The following ST6GALNAC1 variants were observed in gnomAD, a reference collection of about 807,000 sequenced individuals.
ST6GALNAC1 encodes ST6 N-acetylgalactosaminide alpha-2,6-sialyltransferase 1, also known as alpha-N-acetylgalactosaminide alpha-2,6-sialyltransferase 1.
ST6GALNAC1 carries 45 observed loss-of-function variants against 56.8 expected under a neutral mutation model. The observed-to-expected ratio is 0.79, with a 90% CI of 0.62 to 1.02. ST6GALNAC1 has a LOEUF of 1.02. Among genes scored for constraint, ST6GALNAC1 ranks in the 50% least tolerant of loss-of-function variants. The probability of loss-of-function intolerance (pLI) is 0.00; values close to 1 mark genes in which losing one functional copy is unlikely to be tolerated. For missense variants in ST6GALNAC1, 743 were observed against 754.8 expected, an observed-to-expected ratio of 0.98 and a Z score of 0.18; for synonymous variants, 295 against 297.8, an observed-to-expected ratio of 0.99 and a Z score of 0.10.
Position 76,627,056 on chromosome 17 carries a change from G to C in ST6GALNAC1, c.1172+11C>G. ...GGGGCTGGAGAGGGAGCTTGGGTGG[G>C]GACAGCTTACCGGAACACGTAGTCG... On this transcript the variant is annotated intron_variant, in intron 4 of 8. Coordinates refer to ENST00000156626, the MANE Select transcript of ST6GALNAC1 (RefSeq NM_018414.5). The surrounding 1 kb of genome is among the most constrained non-coding windows in gnomAD (Gnocchi z 4.4). 1.3e-6 allele frequency: 2 copies of C among 1,539,208 alleles called. No homozygotes were observed. Among genetic ancestry groups the C allele is most frequent in the Non-Finnish European group, 1.7e-6 (2 of 1,143,714 alleles).
chr17:76,638,030 A>G (rs921233058), intron 1 of ST6GALNAC1, among the ~76,000 whole-genome samples: 4 of 151,398 alleles, frequency 2.6e-5, no homozygotes, highest in Admixed American at 1.3e-4. Flanking sequence ...GAATTTTGCC[A>G]TGCTGGCCAG....
chr17:76,626,407 C>G lies in ST6GALNAC1; in HGVS notation c.1312-15G>C, dbSNP rs374835594. On this transcript the variant is annotated splice_polypyrimidine_tract_variant and intron_variant, in intron 5 of 8. Coordinates refer to ENST00000156626, the MANE Select transcript of ST6GALNAC1 (RefSeq NM_018414.5). The stretch of plus-strand genomic sequence containing the variant: ...TAGCGGACGTCCTGAGGACCAAGGA[C>G]AGGGAGTGGTCCAAAAGTACTGCCT... 4.6e-5 allele frequency: 74 copies of G among 1,612,940 alleles called. No homozygotes were observed. Among genetic ancestry groups the G allele is most frequent in the Non-Finnish European group, 5.3e-5 (62 of 1,179,378 alleles).
rs1394033471 is a variant in ST6GALNAC1, at chr17:76,626,656, C to T, written c.1306G>A (p.Gly436Arg). Residue 436 changes from glycine (G) to arginine (R), a missense_variant, in exon 5 of 9, where the codon GGG becomes AGG. Transcript: ENST00000156626. The stretch of plus-strand genomic sequence containing the variant: ...GCTCCTTCCTCTTTGCTCACCTTCC[C>T]AAGAGGCACGTTCTTGAAACCCCGA... ...GNRGFKNVPL[G>R]KDVRYLHFLE... The T allele has an allele frequency of 6.2e-7, 1 of 1,614,040 alleles. No homozygotes were observed. The highest frequency in any genetic ancestry group is 1.3e-5 in the African/African-American group (1 of 74,936).
the ST6GALNAC1 span, among the ~76,000 whole-genome samples, chr17:76,618,811 G>T: frequency 3.2e-4 from 48 of 151,984 alleles, no homozygotes; most frequent in Admixed American, 2.9e-3. Flanking sequence ...GGGCCTGGTG[G>T]TGTGCGCCTG....
chr17:76,623,516 C>A (rs1409695410), downstream of ST6GALNAC1, among the ~76,000 whole-genome samples: 1 of 152,204 alleles, frequency 6.6e-6, no homozygotes, highest in Non-Finnish European at 1.5e-5. Flanking sequence ...TTTGGGTCTA[C>A]TTCTGTGTCT....
chr17:76,639,345 G>T (rs1326288940), intron 1 of ST6GALNAC1, among the ~76,000 whole-genome samples: 1 of 152,218 alleles, frequency 6.6e-6, no homozygotes, highest in African/African-American at 2.4e-5. Context: ...GGAGGCTGAG[G>T]CAGGTAGATC....
At position 76,629,417 on chromosome 17, in the gene ST6GALNAC1, T is replaced by C; in HGVS notation, c.426A>G (p.Gln142=). 1 of 1,614,160 alleles carries C rather than the reference T, an allele frequency of 6.2e-7. No individual in the cohort carries two copies. Among genetic ancestry groups the C allele is most frequent in the South Asian group, 1.1e-5 (1 of 91,084 alleles). ...TMVNTLSPRG[Q]DAGMASGRTE... ...TCCTGCCAGAGGCCATCCCTGCATC[T>C]TGCCCTCTGGGTGACAGTGTGTTCA... Residue 142 remains glutamine, a synonymous_variant, in exon 2 of 9, where the codon CAA becomes CAG. Coordinates refer to ENST00000156626, the MANE Select transcript of ST6GALNAC1 (RefSeq NM_018414.5).
chr17:76,633,951 A>G (rs1402145641), intron 1 of ST6GALNAC1: 6 of 152,260 alleles, frequency 3.9e-5, no homozygotes, highest in East Asian at 3.8e-4. Flanking sequence ...TGACTAGGAT[A>G]TTGAAGAGGC....
intron 1 of ST6GALNAC1, among the ~76,000 whole-genome samples, chr17:76,634,842 C>T (rs1183533652): frequency 6.6e-6 from 1 of 152,092 alleles, no homozygotes; most frequent in East Asian, 1.9e-4. Flanking sequence ...TGAGATCGTA[C>T]CACTGCACTC....
Position 76,625,470 on chromosome 17 carries a change from C to T in ST6GALNAC1, c.1663G>A (p.Asp555Asn). 6.2e-7 allele frequency: 1 copy of T among 1,614,166 alleles called. No individual in the cohort carries two copies. The highest frequency in any genetic ancestry group is 8.5e-7 in the Non-Finnish European group (1 of 1,180,038). Residue 555 changes from aspartate to asparagine, a missense_variant, in exon 9 of 9, where the codon GAT becomes AAT. Coordinates refer to ENST00000156626, the MANE Select transcript of ST6GALNAC1 (RefSeq NM_018414.5). ...GHERFSDHYY[D>N]TSWKRLIFYI... ...AAGATCAGCCGCTTCCATGATGTAT[C>T]ATAGTAGTGATCAGAAAAGCGCTCA...
intron 1 of ST6GALNAC1, among the ~76,000 whole-genome samples, chr17:76,635,391 G>A (rs2075961729): frequency 6.6e-6 from 1 of 152,214 alleles, no homozygotes; most frequent in Non-Finnish European, 1.5e-5. Context: ...TGTAATCCCA[G>A]CACTTTGGGA....
chr17:76,642,020 T>C (rs1011312900), intron 1 of ST6GALNAC1: 1 of 150,868 alleles, frequency 6.6e-6, no homozygotes, highest in Non-Finnish European at 1.5e-5. Flanking sequence ...TATATGTGTA[T>C]ATATCTATAT....
Position 76,633,000 on chromosome 17 carries a change from G to A in ST6GALNAC1, c.132-3289C>T, listed in dbSNP as rs556092956. Among the ~76,000 whole-genome samples, 23 of 152,290 alleles carry A rather than the reference G, an allele frequency of 1.5e-4. No homozygotes were observed. The South Asian group carries it at 4.8e-3, about 32-fold the overall frequency. On this transcript the variant is annotated intron_variant, in intron 1 of 8. Coordinates refer to ENST00000156626, the MANE Select transcript of ST6GALNAC1 (RefSeq NM_018414.5). ...GCGGGCAGATCACCTGAGGTCAGGA[G>A]TTCAAGACCAGCCTGGCCAACATGG...
downstream of ST6GALNAC1, among the ~76,000 whole-genome samples, chr17:76,621,857 C>G (rs1159690243): frequency 6.6e-6 from 1 of 152,052 alleles, no homozygotes; most frequent in African/African-American, 2.4e-5. Flanking sequence ...GCTCTCTGAA[C>G]CTTTACTGGT....
chr17:76,619,888 C>A (rs879605821), downstream of ST6GALNAC1, among the ~76,000 whole-genome samples: 2 of 151,776 alleles, frequency 1.3e-5, no homozygotes, highest in Non-Finnish European at 2.9e-5. Context: ...GGATTACAGG[C>A]ATGCACCGCC....
At chr17:76,637,146 C>T (rs1198485564) in intron 1 of ST6GALNAC1, among the ~76,000 whole-genome samples, 30 of 149,002 alleles carry the variant, frequency 2.0e-4, no homozygotes, top group Non-Finnish European at 2.5e-4. Context: ...GGCCGCAGGG[C>T]CCTCTGCCTA....
intron 1 of ST6GALNAC1, among the ~76,000 whole-genome samples, chr17:76,642,135 T>C (rs2076056453): frequency 6.6e-6 from 1 of 151,926 alleles, no homozygotes; most frequent in Non-Finnish European, 1.5e-5. Flanking sequence ...CCATACTATA[T>C]ATAGATATCT....
chr17:76,627,612 GGA>G lies in ST6GALNAC1; in HGVS notation c.832-31_832-30del. 6.2e-7 allele frequency: 1 copy of G among 1,608,190 alleles called. No homozygotes were observed. The highest frequency in any genetic ancestry group is 8.5e-7 in the Non-Finnish European group (1 of 1,176,972). ...TATACAGGAGGACGAAGTCAGGAAG[GGA>G]GAGACCCAGAAAGGCCATCGGCCAG... On this transcript the variant is annotated intron_variant, in intron 2 of 8. Coordinates refer to ENST00000156626, the MANE Select transcript of ST6GALNAC1 (RefSeq NM_018414.5). The surrounding 1 kb of genome is among the most constrained non-coding windows in gnomAD (Gnocchi z 4.4).
chr17:76,626,217 G>A, intron 6 of ST6GALNAC1, 72 bp downstream of exon 6: 1 of 1,568,696 alleles, frequency 6.4e-7, no homozygotes, highest in Non-Finnish European at 8.8e-7. Context: ...GTCCCCACCT[G>A]TCCAACCCTT....
Sources: gnomAD v4.1 joint callset for allele counts (sites outside exome capture counted in the v4.1 genomes callset) on GRCh38, gnomAD v4.1.1 for gene constraint, Gnocchi (gnomAD v3.1) non-coding constraint, MANE v1.5 for transcripts, NCBI Gene and HGNC (gene_info 2026-07-23, HGNC 2026-07-21) for gene names.